The following LPXN variants were observed in gnomAD, a reference collection of about 807,000 sequenced individuals.
The protein encoded by LPXN is leupaxin.
Under a neutral mutation model 45.6 loss-of-function variants are expected in LPXN, and 28 were observed. The observed-to-expected ratio is 0.61, with a 90% CI of 0.45 to 0.84. The LOEUF is 0.84. Among genes scored for constraint, LPXN ranks in the 40% least tolerant of loss-of-function variants. The probability of loss-of-function intolerance (pLI) is 0.00; values close to 1 mark genes in which losing one functional copy is unlikely to be tolerated. For synonymous variants in LPXN, 166 were observed against 169.9 expected (o/e 0.98, Z 0.18); for missense variants, 459 against 475.0 (o/e 0.97, Z 0.31).
At chr11:58,530,837 T>A (rs1014643452) in intron 7 of LPXN, among the ~76,000 whole-genome samples, 1 of 152,126 alleles carries the variant, frequency 6.6e-6, no homozygotes, top group African/African-American at 2.4e-5. Context: ...CCTGCTGGGA[T>A]GAAGCTTCCA....
Position 58,540,606 on chromosome 11 carries a change from C to T in LPXN, c.742+9180G>A, listed in dbSNP as rs1344490289. The stretch of plus-strand genomic sequence containing the variant: ...TAATAGAGGAATCCATTTGGCAAAA[C>T]ACTTATACTTACTGAAGCTAGGTAA... On this transcript the variant is annotated intron_variant, in intron 7 of 8. Transcript: ENST00000395074. Among the ~76,000 whole-genome samples the T allele has an allele frequency of 2.0e-5, 3 of 152,154 alleles. No homozygotes were observed. In the East Asian group the frequency reaches 5.8e-4, roughly 29 times the overall value.
intron 4 of LPXN, among the ~76,000 whole-genome samples, chr11:58,552,136 G>A (rs1368865467): frequency 1.3e-5 from 2 of 152,140 alleles, no homozygotes; most frequent in East Asian, 3.9e-4. Context: ...GTAGCTGAGT[G>A]GAGAACTAAG....
intron 7 of LPXN, among the ~76,000 whole-genome samples, chr11:58,549,377 G>T (rs933626935): frequency 6.6e-6 from 1 of 152,170 alleles, no homozygotes; most frequent in African/African-American, 2.4e-5. Context: ...CTGCACTCCA[G>T]CCTGGGCAAC....
chr11:58,550,406 TGC>T (rs1854014311), intron 5 of LPXN, among the ~76,000 whole-genome samples: 1 of 152,236 alleles, frequency 6.6e-6, no homozygotes, highest in Admixed American at 6.5e-5. Flanking sequence ...ACCACTGCAC[TGC>T]CACAGGGGGT....
At chr11:58,576,174 T>C (rs1027129508), upstream of LPXN, among the ~76,000 whole-genome samples, 8 of 151,464 alleles carry the variant, frequency 5.3e-5, no homozygotes, top group African/African-American at 1.7e-4. Flanking sequence ...CATCTTTCTT[T>C]TTTCTTTTTT....
At chr11:58,575,407 TTG>T (rs1361736733) in intron 1 of LPXN, among the ~76,000 whole-genome samples, 1 of 152,178 alleles carries the variant, frequency 6.6e-6, no homozygotes, top group Middle Eastern at 3.2e-3. Context: ...TATCTCTGCA[TTG>T]TCTCGCTATG....
chr11:58,550,210 A>T, intron 5 of LPXN, 64 bp from the exon 6 acceptor site: 1 of 1,498,568 alleles, frequency 6.7e-7, no homozygotes, highest in Non-Finnish European at 9.3e-7. Context: ...TACAGGTTGC[A>T]CAACTCTAGG....
chr11:58,542,286 T>C (rs2120265494), intron 7 of LPXN, among the ~76,000 whole-genome samples: 1 of 152,174 alleles, frequency 6.6e-6, no homozygotes, highest in South Asian at 2.1e-4. Flanking sequence ...TTTTTGCTAA[T>C]TAGTAGTTGA....
intron 2 of LPXN, among the ~76,000 whole-genome samples, chr11:58,567,097 T>G (rs924117986): frequency 6.6e-6 from 1 of 152,196 alleles, no homozygotes; most frequent in African/African-American, 2.4e-5. Flanking sequence ...CGCAGCTTGT[T>G]TGAATGCAGT....
Position 58,547,828 on chromosome 11 carries a change from T to C in LPXN, c.742+1958A>G, listed in dbSNP as rs538920920. Among the ~76,000 whole-genome samples, 4 of 152,338 alleles carry C rather than the reference T, an allele frequency of 2.6e-5. No individual in the cohort carries two copies. The East Asian group carries it at 7.7e-4, about 29-fold the overall frequency. On this transcript the variant is annotated intron_variant, in intron 7 of 8. Transcript: ENST00000395074. Reference sequence around the variant, plus strand: ...ACAGTAATCAGAAAAGACAGAGGACTGCACAAGCTTTTATTTATGAGAGGA... The same window carrying C: ...ACAGTAATCAGAAAAGACAGAGGACCGCACAAGCTTTTATTTATGAGAGGA...
rs769360485 is a variant in LPXN at position 58,570,536 on chromosome 11, T to C, written c.171+20A>G. The stretch of plus-strand genomic sequence containing the variant: ...CACTCAAACATCCATGTTTAAGGAC[T>C]ATAATAAATGAAAATTTACCGGCAA... On this transcript the variant is annotated intron_variant, in intron 2 of 8. Coordinates refer to ENST00000395074, the MANE Select transcript of LPXN (RefSeq NM_004811.3). 1.9e-6 allele frequency: 3 copies of C among 1,595,378 alleles called. No homozygotes were observed. The South Asian group carries it at 3.4e-5, about 18-fold the overall frequency.
At chr11:58,554,695 G>GA (rs1297514253) in intron 4 of LPXN, 146 bp downstream of exon 4, 1 of 558,398 alleles carries the variant, frequency 1.8e-6, no homozygotes, top group Non-Finnish European at 3.1e-6. Flanking sequence ...AATTTAGTCT[G>GA]AAAAAAGCAA....
chr11:58,552,124 TG>T (rs2120344344), intron 4 of LPXN, among the ~76,000 whole-genome samples: 1 of 152,116 alleles, frequency 6.6e-6, no homozygotes, highest in East Asian at 1.9e-4. Context: ...AGGATCCCTG[TG>T]GTAGCTGAGT....
At position 58,549,985 on chromosome 11, in the gene LPXN, A is replaced by G. The variant is rs2120322876; in HGVS notation, c.648T>C (p.Ala216=). The part of the protein sequence containing the change: ...LFSPRCAYCA[A]PILDKVLTAM... The stretch of plus-strand genomic sequence containing the variant: ...GGGATTTACTTACATCCAGGATGGG[A>G]GCAGCGCAGTAAGCACAGCGTGGAG... Residue 216 remains alanine (A), a synonymous_variant, in exon 6 of 9, where the codon GCT becomes GCC. Transcript: ENST00000395074. 2 of 1,614,172 alleles carry G rather than the reference A, an allele frequency of 1.2e-6. No homozygotes were observed. The highest frequency in any genetic ancestry group is 2.2e-5 in the East Asian group (1 of 44,890).
chr11:58,576,037 G>A, upstream of LPXN: 7 of 733,952 alleles, frequency 9.5e-6, no homozygotes, highest in Non-Finnish European at 1.2e-5. Context: ...ATTGGCCAGG[G>A]TGATAAAGAT....
At chr11:58,576,929 A>G (rs1854909026), upstream of LPXN, among the ~76,000 whole-genome samples, 1 of 152,158 alleles carries the variant, frequency 6.6e-6, no homozygotes, top group African/African-American at 2.4e-5. Flanking sequence ...GGTGCATCCC[A>G]TCACGCCACC....
chr11:58,562,274 T>C (rs1296712499), intron 3 of LPXN, among the ~76,000 whole-genome samples: 1 of 152,232 alleles, frequency 6.6e-6, no homozygotes, highest in African/African-American at 2.4e-5. Flanking sequence ...GAAAATACTT[T>C]GAAGGTATGT....
chr11:58,530,040 G>A (rs546304948), intron 7 of LPXN, among the ~76,000 whole-genome samples: 13 of 152,232 alleles, frequency 8.5e-5, no homozygotes, highest in African/African-American at 1.9e-4. Flanking sequence ...TTCACAAACC[G>A]CAGACCTGGA....
chr11:58,543,512 C>G (rs1853790703), intron 7 of LPXN, among the ~76,000 whole-genome samples: 1 of 152,162 alleles, frequency 6.6e-6, no homozygotes. Flanking sequence ...CCACTGAAGG[C>G]TCTGTCTACA....
Sources: gnomAD v4.1 joint callset for allele counts (sites outside exome capture counted in the v4.1 genomes callset) on GRCh38, gnomAD v4.1.1 for gene constraint, MANE v1.5 for transcripts, NCBI Gene and HGNC (gene_info 2026-07-23, HGNC 2026-07-21) for gene names.